The following TIMM23B variants were observed in gnomAD, a reference collection of about 807,000 sequenced individuals.
TIMM23B encodes mitochondrial import inner membrane translocase subunit Tim23B.
Under a neutral mutation model 27.3 loss-of-function variants are expected in TIMM23B, and 27 were observed. That is an observed-to-expected ratio of 0.99 (90% CI 0.73 to 1.36). TIMM23B has a LOEUF of 1.36. TIMM23B is among the 40% of genes most tolerant of loss of function. The pLI is 0.00. For missense variants in TIMM23B, 205 were observed against 244.2 expected, an observed-to-expected ratio of 0.84 and a Z score of 1.07; for synonymous variants, 73 against 92.4, an observed-to-expected ratio of 0.79 and a Z score of 1.21.
chr10:49,960,212 T>TA (rs1839853170), intron 6 of TIMM23B, among the ~76,000 whole-genome samples: 1 of 93,300 alleles, frequency 1.1e-5, no homozygotes, highest in South Asian at 3.4e-4. Context: ...CCCAGCTAAT[T>TA]TTTTTTTTTT....
chr10:49,943,078 A>G (rs1266124543), intron 1 of TIMM23B, among the ~76,000 whole-genome samples: 9,751 of 152,234 alleles, frequency 0.064, 433 homozygotes, highest in African/African-American at 0.1. Context: ...TTCTCTAGGT[A>G]TTTTATACTA....
At position 49,950,785 on chromosome 10, in the gene TIMM23B, A is replaced by G. The variant is rs1336906111; in HGVS notation, c.166-1341A>G. 1.0e-3 allele frequency among the ~76,000 whole-genome samples: 154 copies of G among 151,966 alleles called. 3 individuals are homozygous for G. The South Asian group carries it at 0.029, about 29-fold the overall frequency. On this transcript the variant is annotated intron_variant, in intron 2 of 6. Transcript: ENST00000651259. The stretch of plus-strand genomic sequence containing the variant: ...TTGAACTCCTGAGCTCTGGCAGTCC[A>G]CCCGACTCGGCTTCCCAAAGCGCTG...
intron 5 of TIMM23B, among the ~76,000 whole-genome samples, chr10:49,956,445 GTGTGTGTGTGTGTGTGTGTGTGTGTA>G (rs1839726993): frequency 3.8e-5 from 5 of 131,982 alleles, no homozygotes; most frequent in Non-Finnish European, 8.9e-5. Flanking sequence ...GTGTGTGTGT[GTGTGTGTGTGTGTGTGTGTGTGTGTA>G]TGTGTGTCTT....
In TIMM23B at chr10:49,958,386, A is replaced by G. The variant is rs1428418825; in HGVS notation, c.420A>G (p.Ala140=). The stretch of plus-strand genomic sequence containing the variant: ...CCTCTTTAGCGTTGCTCTATAGTGC[A>G]TTTGGTGTCATCATTGAGAAAACAC... ...TLGSLALLYS[A]FGVIIEKTRG... Residue 140 remains alanine (A), a synonymous_variant, in exon 6 of 7, where the codon GCA becomes GCG. Coordinates refer to ENST00000651259, the MANE Select transcript of TIMM23B (RefSeq NM_001290117.2). The G allele has an allele frequency of 6.2e-7, 1 of 1,613,756 alleles. No individual in the cohort carries two copies. Among genetic ancestry groups the G allele is most frequent in the East Asian group, 2.2e-5 (1 of 44,878 alleles).
intron 1 of TIMM23B, among the ~76,000 whole-genome samples, chr10:49,943,740 T>C (rs1485237978): frequency 4.0e-5 from 4 of 98,822 alleles, no homozygotes; most frequent in Non-Finnish European, 1.1e-4. Flanking sequence ...TTTGTGGGTT[T>C]TTTTTTTTTT....
chr10:49,968,606 G>A (rs1206971839), intron 6 of TIMM23B, among the ~76,000 whole-genome samples: 3 of 152,224 alleles, frequency 2.0e-5, no homozygotes, highest in Non-Finnish European at 4.4e-5. Flanking sequence ...AGTCCAAGGC[G>A]GGAGGATCAC....
At chr10:49,947,502 G>T (rs1204309229) in intron 2 of TIMM23B, among the ~76,000 whole-genome samples, 2 of 152,064 alleles carry the variant, frequency 1.3e-5, no homozygotes, top group African/African-American at 4.8e-5. Flanking sequence ...CCAGCTACTT[G>T]GGAGGCTGAG....
chr10:49,958,749 G>C (rs1839805294), intron 6 of TIMM23B, among the ~76,000 whole-genome samples: 1 of 152,108 alleles, frequency 6.6e-6, no homozygotes, highest in African/African-American at 2.4e-5. Flanking sequence ...CTGATACTCT[G>C]TACCTATTAA....
At chr10:49,967,277 TAGATCAGCAGG>T (rs1343539267) in intron 6 of TIMM23B, among the ~76,000 whole-genome samples, 11 of 152,114 alleles carry the variant, frequency 7.2e-5, no homozygotes, top group Non-Finnish European at 1.5e-4. Context: ...GGAAATAGTT[TAGATCAGCAGG>T]GATTAGCCAT....
chr10:49,958,960 A>G (rs1159709130), intron 6 of TIMM23B, among the ~76,000 whole-genome samples: 3 of 152,208 alleles, frequency 2.0e-5, no homozygotes, highest in African/African-American at 7.2e-5. Flanking sequence ...AAGCTAAATA[A>G]TATTCATTCT....
chr10:49,969,698 G>C (rs1343352675), intron 6 of TIMM23B, among the ~76,000 whole-genome samples: 1 of 152,070 alleles, frequency 6.6e-6, no homozygotes, highest in African/African-American at 2.4e-5. Context: ...AAAGAAAAAT[G>C]TGGTATATAC....
intron 1 of TIMM23B, 88 bp downstream of exon 1, chr10:49,942,388 T>A: frequency 1.3e-6 from 2 of 1,547,562 alleles, no homozygotes; most frequent in Middle Eastern, 1.7e-4. Context: ...TGTTGTTGGT[T>A]TTTTTTTCCT....
intron 6 of TIMM23B, among the ~76,000 whole-genome samples, chr10:49,968,817 A>G (rs1275098559): frequency 2.0e-5 from 3 of 152,136 alleles, no homozygotes; most frequent in Admixed American, 2.0e-4. Context: ...CCTGGGCCAC[A>G]GAGCAAGACT....
At chr10:49,963,324 A>G (rs1839988664) in intron 6 of TIMM23B, among the ~76,000 whole-genome samples, 2 of 151,920 alleles carry the variant, frequency 1.3e-5, no homozygotes, top group South Asian at 2.1e-4. Context: ...AAGAGAATAA[A>G]TGAAATAAAT....
At chr10:49,942,716 G>A (rs1839178523) in intron 1 of TIMM23B, among the ~76,000 whole-genome samples, 1 of 152,188 alleles carries the variant, frequency 6.6e-6, no homozygotes, top group Non-Finnish European at 1.5e-5. Context: ...CGTAAGGGCA[G>A]AATATTCAGT....
chr10:49,963,794 C>T (rs1554854951), intron 6 of TIMM23B, among the ~76,000 whole-genome samples: 2 of 152,102 alleles, frequency 1.3e-5, no homozygotes, highest in African/African-American at 2.4e-5. Flanking sequence ...GATGAAACCC[C>T]ATCTCTACTA....
At chr10:49,970,987 A>G (rs1471282127) in intron 6 of TIMM23B, among the ~76,000 whole-genome samples, 1 of 152,214 alleles carries the variant, frequency 6.6e-6, no homozygotes, top group Non-Finnish European at 1.5e-5. Flanking sequence ...GTACTAAGAA[A>G]AATTCTTCTG....
chr10:49,973,905 A>C lies in TIMM23B; in HGVS notation c.*841A>C. The C allele has an allele frequency of 7.5e-6, 1 of 133,900 alleles. No individual in the cohort carries two copies. Among genetic ancestry groups the C allele is most frequent in the East Asian group, 2.1e-4 (1 of 4,846 alleles). 8.3% of individuals were successfully genotyped at this position (133,900 alleles called of 1,614,324 possible). A position where few individuals can be genotyped will look rare whatever the true frequency, so the allele number is the denominator to read the frequency against. ...CAACCTCTGCCTCCCGGCTTCAAGC[A>C]GTTCTCCTGCCTCAGCCTCCCAAGT... On this transcript the variant is annotated 3_prime_UTR_variant, in exon 7 of 7. Transcript: ENST00000651259.
intron 1 of TIMM23B, 45 bp downstream of exon 1, chr10:49,942,345 C>G (rs1420177827): frequency 4.4e-6 from 7 of 1,578,176 alleles, no homozygotes; most frequent in Non-Finnish European, 6.0e-6. Flanking sequence ...CTGGTTCTTG[C>G]GTTTACACTA....
Sources: gnomAD v4.1 joint callset for allele counts (sites outside exome capture counted in the v4.1 genomes callset) on GRCh38, gnomAD v4.1.1 for gene constraint, MANE v1.5 for transcripts, NCBI Gene and HGNC (gene_info 2026-07-23, HGNC 2026-07-21) for gene names.